The following TRAPPC9 variants were observed in gnomAD, a reference collection of about 807,000 sequenced individuals.
The protein encoded by TRAPPC9 is trafficking protein particle complex subunit 9, also known as IKK2 binding protein.
Under a neutral mutation model 124.0 loss-of-function variants are expected in TRAPPC9, and 83 were observed. The observed-to-expected ratio is 0.67, with a 90% CI of 0.56 to 0.80. The LOEUF is 0.80. Among genes scored for constraint, TRAPPC9 ranks in the 30% least tolerant of loss-of-function variants. TRAPPC9 has a pLI of 0.00. For synonymous variants in TRAPPC9, 638 were observed against 617.5 expected (o/e 1.03, Z -0.49); for missense variants, 1,302 against 1,508.3 (o/e 0.86, Z 2.27).
intron 15 of TRAPPC9, among the ~76,000 whole-genome samples, chr8:140,261,831 G>C (rs762626121): frequency 1.3e-5 from 2 of 152,124 alleles, no homozygotes; most frequent in African/African-American, 2.4e-5. Context: ...ACCCAGATCA[G>C]GAGGAGTGGC....
intron 17 of TRAPPC9, among the ~76,000 whole-genome samples, chr8:140,077,210 T>C (rs778857062): frequency 5.9e-5 from 9 of 152,036 alleles, no homozygotes; most frequent in Non-Finnish European, 1.2e-4. Context: ...AATATAAATA[T>C]AATACATATT....
intron 7 of TRAPPC9, among the ~76,000 whole-genome samples, chr8:140,376,510 T>C (rs1292196661): frequency 2.2e-5 from 3 of 139,012 alleles, no homozygotes; most frequent in African/African-American, 8.3e-5. Flanking sequence ...GAGCCGGGAT[T>C]GCGCCACTGC....
chr8:140,201,561 T>G (rs1313488917), intron 17 of TRAPPC9, among the ~76,000 whole-genome samples: 1 of 152,254 alleles, frequency 6.6e-6, no homozygotes, highest in Non-Finnish European at 1.5e-5. Context: ...CTGTGTATAC[T>G]GTTACAAAAT....
intron 4 of TRAPPC9, among the ~76,000 whole-genome samples, chr8:140,433,577 G>A (rs573624020): frequency 2.6e-5 from 4 of 152,068 alleles, no homozygotes; most frequent in South Asian, 4.2e-4. Context: ...GTGACAGAGC[G>A]AGACTCTGTC....
intron 17 of TRAPPC9, among the ~76,000 whole-genome samples, chr8:140,084,648 G>T (rs1844070794): frequency 6.6e-6 from 1 of 152,240 alleles, no homozygotes; most frequent in Admixed American, 6.5e-5. Flanking sequence ...CTGACTGACA[G>T]GCAGGCCCAG....
chr8:140,301,369 C>G (rs986483727), intron 10 of TRAPPC9, among the ~76,000 whole-genome samples: 1 of 152,240 alleles, frequency 6.6e-6, no homozygotes, highest in African/African-American at 2.4e-5. Context: ...CATATGTATT[C>G]TCTCACTTAA....
intron 19 of TRAPPC9, among the ~76,000 whole-genome samples, chr8:139,977,571 TCGCGCCAC>T (rs1836565697): frequency 6.9e-6 from 1 of 145,932 alleles, no homozygotes; most frequent in Non-Finnish European, 1.5e-5. Context: ...AGAGCGGAGA[TCGCGCCAC>T]TGCACTCCAG....
chr8:140,220,186 G>A (rs1461778614), intron 17 of TRAPPC9, among the ~76,000 whole-genome samples: 3 of 152,222 alleles, frequency 2.0e-5, no homozygotes, highest in African/African-American at 7.2e-5. Flanking sequence ...CGCCAGGGGA[G>A]GGTGGTGGGG....
chr8:139,832,784 G>A (rs1826074546), intron 21 of TRAPPC9, among the ~76,000 whole-genome samples: 1 of 152,148 alleles, frequency 6.6e-6, no homozygotes, highest in Admixed American at 6.5e-5. Context: ...CCTGTGGGGA[G>A]CTCCAAGATG....
chr8:140,429,730 C>T (rs575836380), intron 4 of TRAPPC9, among the ~76,000 whole-genome samples: 3 of 151,962 alleles, frequency 2.0e-5, no homozygotes, highest in African/African-American at 7.3e-5. Context: ...TGCTTGAACC[C>T]GGGAGGCAGC....
chr8:139,935,305 G>C (rs1383964734), intron 19 of TRAPPC9, among the ~76,000 whole-genome samples: 1 of 152,224 alleles, frequency 6.6e-6, no homozygotes, highest in African/African-American at 2.4e-5. Context: ...GAGCTCTCGC[G>C]TATCCTGTCT....
intron 20 of TRAPPC9, among the ~76,000 whole-genome samples, chr8:139,906,955 C>T (rs1402651473): frequency 6.6e-6 from 1 of 152,154 alleles, no homozygotes; most frequent in Non-Finnish European, 1.5e-5. Flanking sequence ...ACCCTGGGCC[C>T]TCTTCATCTC....
chr8:139,864,726 C>T (rs146440553), intron 21 of TRAPPC9, among the ~76,000 whole-genome samples: 25 of 152,312 alleles, frequency 1.6e-4, no homozygotes, highest in African/African-American at 5.5e-4. Context: ...TGGGCACTAC[C>T]GCCCTTCCCA....
intron 20 of TRAPPC9, among the ~76,000 whole-genome samples, chr8:139,894,072 T>C (rs891987851): frequency 1.3e-5 from 2 of 152,190 alleles, no homozygotes; most frequent in African/African-American, 4.8e-5. Context: ...TGTTACTCCA[T>C]CGGCCACACC....
At chr8:139,938,790 C>T (rs1477047048) in intron 19 of TRAPPC9, among the ~76,000 whole-genome samples, 4 of 150,990 alleles carry the variant, frequency 2.6e-5, no homozygotes, top group Admixed American at 6.6e-5. Flanking sequence ...GGACTACAGG[C>T]GCCCGCCACC....
Position 139,731,990 on chromosome 8 carries a change from A to G in TRAPPC9, c.3268T>C (p.Tyr1090His). 6.3e-7 allele frequency: 1 copy of G among 1,585,434 alleles called. No individual in the cohort carries two copies. The highest frequency in any genetic ancestry group is 1.3e-5 in the African/African-American group (1 of 74,496). Reference sequence around the variant, plus strand: ...ACACCACCACGCACCGCGTCGAGGTAGAAGGTGCTGGAGCCCACGAAGGAG... The same window carrying G: ...ACACCACCACGCACCGCGTCGAGGTGGAAGGTGCTGGAGCCCACGAAGGAG... ...TVSFVGSSTFYLDAVQPSGQS... is the reference protein window; with the variant it reads ...TVSFVGSSTFHLDAVQPSGQS... The change falls in exon 22 of 23, where the codon TAC becomes CAC. Residue 1090 changes from tyrosine (Y) to histidine (H), a missense_variant. Coordinates refer to ENST00000438773, the MANE Select transcript of TRAPPC9 (RefSeq NM_001160372.4).
chr8:140,124,704 G>GGGGGGGACCCTCATA (rs1554628222), intron 17 of TRAPPC9, among the ~76,000 whole-genome samples: 1 of 143,222 alleles, frequency 7.0e-6, no homozygotes, highest in African/African-American at 2.9e-5. Context: ...AGACCCTCGC[G>GGGGGGGACCCTCATA]GGGGAGGACC....
intron 21 of TRAPPC9, among the ~76,000 whole-genome samples, chr8:139,798,688 T>C (rs1823267992): frequency 6.6e-6 from 1 of 152,228 alleles, no homozygotes; most frequent in South Asian, 2.1e-4. Context: ...GTGGTTCTCT[T>C]CTGAAGCTCA....
At chr8:140,185,517 T>C (rs2131041828) in intron 17 of TRAPPC9, among the ~76,000 whole-genome samples, 1 of 152,202 alleles carries the variant, frequency 6.6e-6, no homozygotes, top group East Asian at 1.9e-4. Context: ...CTTGCTGTTC[T>C]ACCTACCCCA....
Sources: allele counts gnomAD v4.1 joint callset (sites outside exome capture counted in the v4.1 genomes callset), GRCh38; gene constraint gnomAD v4.1.1; transcripts MANE v1.5; gene names NCBI Gene and HGNC (gene_info 2026-07-23, HGNC 2026-07-21).